The following CMTM8 variants were observed in gnomAD, a reference collection of about 807,000 sequenced individuals.
CMTM8 encodes CKLF like MARVEL transmembrane domain containing 8.
CMTM8 carries 12 observed loss-of-function variants against 18.6 expected under a neutral mutation model. The ratio of observed to expected loss-of-function variants is 0.65; its 90% CI spans 0.41 to 1.05. The LOEUF is 1.05. CMTM8 is among the 50% of genes least tolerant of loss of function. The pLI is 0.00. For missense variants in CMTM8, 217 were observed against 227.2 expected (o/e 0.95, Z 0.29); for synonymous variants, 87 against 90.6 (o/e 0.96, Z 0.23).
At chr3:32,280,112 G>A (rs1702583796) in intron 1 of CMTM8, among the ~76,000 whole-genome samples, 1 of 152,084 alleles carries the variant, frequency 6.6e-6, no homozygotes, top group Non-Finnish European at 1.5e-5. Context: ...CCACCAATCA[G>A]GAGGAAGTCC....
At chr3:32,319,619 T>A (rs1216284549) in intron 1 of CMTM8, among the ~76,000 whole-genome samples, 1 of 152,254 alleles carries the variant, frequency 6.6e-6, no homozygotes, top group Non-Finnish European at 1.5e-5. Context: ...ACATGTTAAG[T>A]GGTCCTTTTC....
intron 1 of CMTM8, among the ~76,000 whole-genome samples, chr3:32,334,785 CCA>C (rs1219136077): frequency 1.3e-5 from 2 of 152,120 alleles, no homozygotes; most frequent in Non-Finnish European, 2.9e-5. Flanking sequence ...ACCTCCCCTC[CCA>C]CAGTTAAAAA....
At chr3:32,332,336 G>A (rs1041582662) in intron 1 of CMTM8, among the ~76,000 whole-genome samples, 11 of 152,148 alleles carry the variant, frequency 7.2e-5, no homozygotes, top group East Asian at 1.9e-4. Flanking sequence ...AGCCTCAGGC[G>A]TAGATAAGGA....
intron 2 of CMTM8, among the ~76,000 whole-genome samples, chr3:32,365,425 G>A (rs1473600990): frequency 2.0e-5 from 3 of 148,060 alleles, no homozygotes; most frequent in African/African-American, 7.4e-5. Context: ...CTGTTTTTGT[G>A]TGTGTGTTTT....
intron 1 of CMTM8, among the ~76,000 whole-genome samples, chr3:32,306,683 A>G (rs1269284404): frequency 6.6e-6 from 1 of 152,346 alleles, no homozygotes; most frequent in East Asian, 1.9e-4. Context: ...GTCTATAGGA[A>G]CAGCAGAAGA....
At chr3:32,330,365 A>G (rs1277722212) in intron 1 of CMTM8, among the ~76,000 whole-genome samples, 1 of 152,098 alleles carries the variant, frequency 6.6e-6, no homozygotes, top group Non-Finnish European at 1.5e-5. Flanking sequence ...GTGGCATGCT[A>G]CTTGGGAGGC....
intron 1 of CMTM8, among the ~76,000 whole-genome samples, chr3:32,312,582 C>T (rs181000714): frequency 3.4e-4 from 52 of 152,222 alleles, no homozygotes; most frequent in Admixed American, 1.2e-3. Context: ...CATGTTCTTC[C>T]TCACCAACCT....
intron 1 of CMTM8, chr3:32,258,906 C>G (rs1702212351): frequency 7.3e-6 from 2 of 275,012 alleles, no homozygotes; most frequent in Non-Finnish European, 1.4e-5. Context: ...GAGTTCTGTC[C>G]CCTCGCTTCC....
At chr3:32,301,642 T>C in intron 1 of CMTM8, among the ~76,000 whole-genome samples, 1 of 151,628 alleles carries the variant, frequency 6.6e-6, no homozygotes, top group African/African-American at 2.4e-5. Flanking sequence ...CCGGCATCGG[T>C]GACATTGCAC....
chr3:32,314,153 A>G (rs1695876769), intron 1 of CMTM8, among the ~76,000 whole-genome samples: 1 of 152,238 alleles, frequency 6.6e-6, no homozygotes, highest in Admixed American at 6.5e-5. Flanking sequence ...ACCCTACAAA[A>G]GTAAAGCATC....
chr3:32,273,627 C>T (rs1482721940), intron 1 of CMTM8, among the ~76,000 whole-genome samples: 1 of 152,080 alleles, frequency 6.6e-6, no homozygotes, highest in Non-Finnish European at 1.5e-5. Flanking sequence ...GGGAAATGTC[C>T]AGAATAGGCA....
rs1056654097 is a variant in CMTM8 at position 32,241,427 on chromosome 3, T to G, written c.147+2308T>G. Among the ~76,000 whole-genome samples the G allele has an allele frequency of 5.3e-5, 8 of 152,212 alleles. No homozygotes were observed. The South Asian group carries it at 1.7e-3, about 32-fold the overall frequency. On this transcript the variant is annotated intron_variant, in intron 1 of 3. Transcript: ENST00000307526. ...TCATACTTCGAATTTTGAATTTTGGTCTTTTCCCAGGCTAATGATATTCGG... is the reference window on the plus strand; with the variant it reads ...TCATACTTCGAATTTTGAATTTTGGGCTTTTCCCAGGCTAATGATATTCGG...
chr3:32,265,668 G>GT (rs1702328735), intron 1 of CMTM8, among the ~76,000 whole-genome samples: 2 of 152,068 alleles, frequency 1.3e-5, no homozygotes, highest in Non-Finnish European at 1.5e-5. Context: ...TCCAGGAGCT[G>GT]TTTTTTTGAA....
chr3:32,286,376 T>C (rs1252296990), intron 1 of CMTM8, among the ~76,000 whole-genome samples: 1 of 152,242 alleles, frequency 6.6e-6, no homozygotes, highest in Non-Finnish European at 1.5e-5. Context: ...CCACAGTTTG[T>C]GCACTGTGAT....
intron 1 of CMTM8, among the ~76,000 whole-genome samples, chr3:32,328,370 C>A (rs1343342362): frequency 2.1e-4 from 16 of 74,784 alleles, no homozygotes; most frequent in Admixed American, 3.0e-4. Flanking sequence ...ACCCTGTCTC[C>A]AAAAAAAAAA....
intron 1 of CMTM8, among the ~76,000 whole-genome samples, chr3:32,354,631 C>A (rs1696777745): frequency 6.6e-6 from 1 of 152,178 alleles, no homozygotes; most frequent in South Asian, 2.1e-4. Flanking sequence ...AACTCTTAAG[C>A]CCTTGTGATC....
At chr3:32,369,295 C>A (rs1429335114) in intron 3 of CMTM8, among the ~76,000 whole-genome samples, 2 of 152,150 alleles carry the variant, frequency 1.3e-5, no homozygotes, top group Non-Finnish European at 2.9e-5. Flanking sequence ...GCTTGGGCAA[C>A]AAGAGCGAAA....
intron 1 of CMTM8, among the ~76,000 whole-genome samples, chr3:32,330,613 A>G (rs578051112): frequency 1.3e-5 from 2 of 152,332 alleles, no homozygotes; most frequent in East Asian, 3.9e-4. Flanking sequence ...ATACGCTCAT[A>G]TATGTAGTCA....
chr3:32,266,718 C>G (rs936034203), intron 1 of CMTM8, among the ~76,000 whole-genome samples: 15 of 152,086 alleles, frequency 9.9e-5, no homozygotes, highest in Middle Eastern at 3.2e-3. Context: ...TCATCTCAGC[C>G]CAAAATCTCC....
Sources: gnomAD v4.1 joint callset for allele counts (sites outside exome capture counted in the v4.1 genomes callset) on GRCh38, gnomAD v4.1.1 for gene constraint, MANE v1.5 for transcripts, NCBI Gene and HGNC (gene_info 2026-07-23, HGNC 2026-07-21) for gene names.